The following CEP63 variants were observed in gnomAD, a reference collection of about 807,000 sequenced individuals.
CEP63 encodes the protein centrosomal protein of 63 kDa.
CEP63 carries 84 observed loss-of-function variants against 89.1 expected under a neutral mutation model. That is an observed-to-expected ratio of 0.94 (90% CI 0.79 to 1.13). The LOEUF (loss-of-function observed/expected upper bound fraction) is 1.13. Ranked by LOEUF, CEP63 falls within the 50% of genes most tolerant of loss-of-function variation. The pLI, the probability that CEP63 is intolerant of heterozygous loss-of-function variation, is 0.00. For missense variants in CEP63, 838 were observed against 813.3 expected (o/e 1.03, Z -0.37); for synonymous variants, 267 against 272.5 (o/e 0.98, Z 0.20).
At chr3:134,570,763 C>G (rs551239836) in intron 11 of CEP63, among the ~76,000 whole-genome samples, 62 of 152,324 alleles carry the variant, frequency 4.1e-4, no homozygotes, top group African/African-American at 1.5e-3. Context: ...CTGTATTAGT[C>G]TGTTTTCATG....
intron 3 of CEP63, among the ~76,000 whole-genome samples, chr3:134,512,650 A>G (rs1945264754): frequency 6.6e-6 from 1 of 151,952 alleles, no homozygotes. Flanking sequence ...TTCTTTTGGC[A>G]TTTTCCCTAT....
downstream of CEP63, among the ~76,000 whole-genome samples, chr3:134,566,365 A>C (rs922392855): frequency 2.6e-5 from 4 of 152,160 alleles, no homozygotes; most frequent in African/African-American, 7.2e-5. Flanking sequence ...AAAAATGTGC[A>C]TTGTGCATTT....
At chr3:134,674,402 A>C in the CEP63 span, among the ~76,000 whole-genome samples, 2 of 152,234 alleles carry the variant, frequency 1.3e-5, no homozygotes, top group Admixed American at 1.3e-4. Flanking sequence ...TTTCATATTA[A>C]AAACACTCGA....
At chr3:134,576,850 G>A (rs1346758727), downstream of CEP63, among the ~76,000 whole-genome samples, 1 of 135,050 alleles carries the variant, frequency 7.4e-6, no homozygotes, top group Admixed American at 7.1e-5. Context: ...CCAAAGGGAG[G>A]AACTAAAACT....
At chr3:134,713,216 G>A in the CEP63 span, among the ~76,000 whole-genome samples, 1 of 152,158 alleles carries the variant, frequency 6.6e-6, no homozygotes, top group South Asian at 2.1e-4. Context: ...CTTTTTGGCT[G>A]AGTCCCAATT....
At chr3:134,492,410 A>G (rs1937995612) in intron 1 of CEP63, among the ~76,000 whole-genome samples, 1 of 152,206 alleles carries the variant, frequency 6.6e-6, no homozygotes, top group Non-Finnish European at 1.5e-5. Flanking sequence ...TGAGCAACTC[A>G]GATGACAAAC....
the CEP63 span, chr3:134,608,243 G>GTGTA: frequency 3.4e-6 from 4 of 1,193,162 alleles, no homozygotes; most frequent in Non-Finnish European, 4.2e-6. Context: ...CAGAGGCTAT[G>GTGTA]TGTAGCCAGG....
downstream of CEP63, among the ~76,000 whole-genome samples, chr3:134,578,977 C>G (rs192049199): frequency 2.0e-5 from 3 of 151,730 alleles, no homozygotes; most frequent in African/African-American, 7.3e-5. Flanking sequence ...AGGCTGGTCT[C>G]GAACTTCTGA....
the CEP63 span, among the ~76,000 whole-genome samples, chr3:134,614,241 A>G: frequency 6.6e-6 from 1 of 152,304 alleles, no homozygotes; most frequent in Admixed American, 6.5e-5. Context: ...CACCTCCTGA[A>G]GAGCTCCGAC....
chr3:134,722,054 T>C, the CEP63 span, among the ~76,000 whole-genome samples: 2 of 152,138 alleles, frequency 1.3e-5, no homozygotes, highest in Non-Finnish European at 2.9e-5. Flanking sequence ...TTGTATTAAT[T>C]CCTTTTGGAA....
the CEP63 span, among the ~76,000 whole-genome samples, chr3:134,774,388 CAA>C: frequency 1.3e-5 from 2 of 152,166 alleles, no homozygotes; most frequent in Non-Finnish European, 2.9e-5. Context: ...ACTAATGTAA[CAA>C]AGAGTAAAAT....
At chr3:134,775,423 A>G in the CEP63 span, among the ~76,000 whole-genome samples, 4 of 152,182 alleles carry the variant, frequency 2.6e-5, no homozygotes, top group East Asian at 5.8e-4. Flanking sequence ...CTTCAGTTAG[A>G]CATTTTCTGA....
chr3:134,617,121 G>C, the CEP63 span, among the ~76,000 whole-genome samples: 1 of 152,162 alleles, frequency 6.6e-6, no homozygotes, highest in Non-Finnish European at 1.5e-5. Context: ...GGTAGACCCA[G>C]GTCTTTCTAG....
At chr3:134,642,242 G>A in the CEP63 span, among the ~76,000 whole-genome samples, 21 of 152,194 alleles carry the variant, frequency 1.4e-4, no homozygotes, top group African/African-American at 5.1e-4. Flanking sequence ...TCCCTGAGAG[G>A]CTCCAATCCT....
At chr3:134,762,982 C>T in the CEP63 span, among the ~76,000 whole-genome samples, 12 of 152,190 alleles carry the variant, frequency 7.9e-5, no homozygotes, top group Admixed American at 3.9e-4. Flanking sequence ...CTAGGGCCTG[C>T]GATGGTAACA....
chr3:134,718,463 GC>G, the CEP63 span, among the ~76,000 whole-genome samples: 1 of 152,312 alleles, frequency 6.6e-6, no homozygotes, highest in Non-Finnish European at 1.5e-5. Context: ...TTATCAGGAA[GC>G]TTTAAATTAT....
intron 12 of CEP63, among the ~76,000 whole-genome samples, chr3:134,556,071 A>G (rs1443620264): frequency 6.7e-6 from 1 of 148,720 alleles, no homozygotes; most frequent in Admixed American, 6.8e-5. Context: ...GGCTAGCCAT[A>G]TGTAGAAAGC....
At chr3:134,762,882 A>C in the CEP63 span, among the ~76,000 whole-genome samples, 1 of 152,168 alleles carries the variant, frequency 6.6e-6, no homozygotes, top group East Asian at 1.9e-4. Context: ...GAACAACCAA[A>C]CACACCTCTA....
chr3:134,606,414 T>G, the CEP63 span, among the ~76,000 whole-genome samples: 95,640 of 151,848 alleles, frequency 0.63, 30,626 homozygotes, highest in East Asian at 0.87. Context: ...ATGCCTCAGG[T>G]TCCTCCTACC....
Sources: allele counts gnomAD v4.1 joint callset (sites outside exome capture counted in the v4.1 genomes callset), GRCh38; gene constraint gnomAD v4.1.1; transcripts MANE v1.5; gene names NCBI Gene and HGNC (gene_info 2026-07-23, HGNC 2026-07-21).